Variants in TPTE2 observed in about 807,000 individuals in gnomAD.
The protein encoded by TPTE2 is phosphatidylinositol 3,4,5-trisphosphate 3-phosphatase TPTE2.
In TPTE2, 53 loss-of-function variants were observed where a neutral mutation model predicts 78.6. That is an observed-to-expected ratio of 0.67 (90% CI 0.54 to 0.85). The LOEUF is 0.85. TPTE2 is among the 40% of genes least tolerant of loss of function. The pLI is 0.00. For synonymous variants in TPTE2, 175 were observed against 206.2 expected (o/e 0.85, Z 1.30); for missense variants, 461 against 623.0 (o/e 0.74, Z 2.77).
At chr13:19,465,668 C>T (rs1182495499) in intron 7 of TPTE2, 104 bp from the exon 11 acceptor site, 1 of 964,658 alleles carries the variant, frequency 1.0e-6, no homozygotes, top group African/African-American at 1.7e-5. Context: ...ATTTTCCCTC[C>T]TCTCCCCAAT....
chr13:19,487,392 G>T (rs912137724), intron 3 of TPTE2, among the ~76,000 whole-genome samples: 3 of 152,108 alleles, frequency 2.0e-5, no homozygotes, highest in Non-Finnish European at 4.4e-5. Flanking sequence ...TGTCTGTGGT[G>T]GATGGGGCCT....
At chr13:19,553,798 T>A in the TPTE2 span, among the ~76,000 whole-genome samples, 4,485 of 152,312 alleles carry the variant, frequency 0.029, 184 homozygotes, top group African/African-American at 0.088. Flanking sequence ...TATGTGTGTA[T>A]GTATTGCAAG....
At chr13:19,536,738 C>G (rs1225934315) in exon 1 of TPTE2, 1 of 152,024 alleles carries the variant, frequency 6.6e-6, no homozygotes, top group Non-Finnish European at 1.5e-5. Flanking sequence ...GCACGTTCTC[C>G]CCTGATTTGT....
intron 13 of TPTE2, among the ~76,000 whole-genome samples, chr13:19,444,611 T>C (rs927626004): frequency 2.6e-5 from 4 of 152,072 alleles, no homozygotes; most frequent in South Asian, 2.1e-4. Context: ...GAGTCAATAT[T>C]GTAAAGATTC....
intron 4 of TPTE2, among the ~76,000 whole-genome samples, chr13:19,476,515 C>A (rs1422774776): frequency 4.6e-5 from 7 of 151,986 alleles, no homozygotes; most frequent in African/African-American, 1.4e-4. Flanking sequence ...ACAAAGAGGG[C>A]AGATACTGAG....
the TPTE2 span, among the ~76,000 whole-genome samples, chr13:19,545,677 C>T: frequency 2.0e-5 from 3 of 152,188 alleles, no homozygotes; most frequent in Non-Finnish European, 4.4e-5. Flanking sequence ...CAATTCCTCT[C>T]AAATGAAGCC....
intron 1 of TPTE2, among the ~76,000 whole-genome samples, chr13:19,516,620 A>G (rs935211291): frequency 6.6e-6 from 1 of 152,162 alleles, no homozygotes; most frequent in Non-Finnish European, 1.5e-5. Context: ...ATAATTAACA[A>G]TGTTTCAGGT....
chr13:19,527,417 G>A (rs1269764217), intron 1 of TPTE2, among the ~76,000 whole-genome samples: 2 of 152,032 alleles, frequency 1.3e-5, no homozygotes, highest in South Asian at 2.1e-4. Flanking sequence ...CATATCATCT[G>A]TACCCCATAA....
intron 13 of TPTE2, among the ~76,000 whole-genome samples, chr13:19,443,385 C>T (rs1593357136): frequency 8.1e-6 from 1 of 123,336 alleles, no homozygotes; most frequent in African/African-American, 2.7e-5. Context: ...TTTCTTTTTT[C>T]TTTCTTTCTT....
chr13:19,536,997 G>A (rs969880883), upstream of TPTE2, among the ~76,000 whole-genome samples: 1 of 151,238 alleles, frequency 6.6e-6, no homozygotes, highest in Non-Finnish European at 1.5e-5. Flanking sequence ...CCAAAAAGGG[G>A]TTGCCAATTT....
At chr13:19,497,930 A>C (rs1199998367) in intron 1 of TPTE2, among the ~76,000 whole-genome samples, 2 of 151,808 alleles carry the variant, frequency 1.3e-5, no homozygotes, top group Admixed American at 1.3e-4. Context: ...TATAACTAGA[A>C]TAACCAATAC....
chr13:19,543,471 C>A, the TPTE2 span, among the ~76,000 whole-genome samples: 23 of 152,008 alleles, frequency 1.5e-4, no homozygotes, highest in Non-Finnish European at 3.1e-4. Context: ...GATCTCCTGC[C>A]TCAGGCCCCC....
chr13:19,545,379 A>T, the TPTE2 span, among the ~76,000 whole-genome samples: 1 of 152,218 alleles, frequency 6.6e-6, no homozygotes, highest in African/African-American at 2.4e-5. Context: ...CTAGATGTGT[A>T]TCCTCCTCCA....
At chr13:19,464,053 G>T (rs1879104583) in intron 10 of TPTE2, among the ~76,000 whole-genome samples, 1 of 152,146 alleles carries the variant, frequency 6.6e-6, no homozygotes, top group African/African-American at 2.4e-5. Context: ...GGCCTCGGGG[G>T]GGTGCACGTA....
intron 13 of TPTE2, among the ~76,000 whole-genome samples, chr13:19,446,841 C>T (rs1336486667): frequency 1.3e-5 from 2 of 152,052 alleles, no homozygotes; most frequent in Non-Finnish European, 2.9e-5. Flanking sequence ...CTCAGAGGGG[C>T]TGAGATGGGA....
At chr13:19,470,535 AT>A (rs1337506079) in intron 6 of TPTE2, among the ~76,000 whole-genome samples, 1 of 150,756 alleles carries the variant, frequency 6.6e-6, no homozygotes, top group African/African-American at 2.4e-5. Context: ...TTTTATTTTT[AT>A]TTTTTTTGAG....
intron 13 of TPTE2, among the ~76,000 whole-genome samples, chr13:19,438,722 G>C (rs1397893441): frequency 2.6e-5 from 4 of 152,162 alleles, no homozygotes; most frequent in Admixed American, 2.6e-4. Context: ...TCAGTCATTT[G>C]GAAATAGCAA....
intron 1 of TPTE2, among the ~76,000 whole-genome samples, chr13:19,498,778 G>C (rs1355739599): frequency 6.6e-6 from 1 of 151,416 alleles, no homozygotes; most frequent in African/African-American, 2.4e-5. Flanking sequence ...ATAATGACAG[G>C]ATCAAATTCA....
intron 17 of TPTE2, among the ~76,000 whole-genome samples, 172 bp from the exon 21 acceptor site, chr13:19,426,689 ATG>A (rs1308543589): frequency 6.6e-6 from 1 of 152,060 alleles, no homozygotes; most frequent in Admixed American, 6.6e-5. Flanking sequence ...ACTGTTGTTT[ATG>A]TGTGTGTGTG....
Sources: allele counts gnomAD v4.1 joint callset (sites outside exome capture counted in the v4.1 genomes callset), GRCh38; gene constraint gnomAD v4.1.1; transcripts MANE v1.5; gene names NCBI Gene and HGNC (gene_info 2026-07-23, HGNC 2026-07-21).